The following DIAPH3 variants were observed in gnomAD, a reference collection of about 807,000 sequenced individuals.
The protein encoded by DIAPH3 is protein diaphanous homolog 3.
DIAPH3 carries 117 observed loss-of-function variants against 144.3 expected under a neutral mutation model. The ratio of observed to expected loss-of-function variants is 0.81; its 90% CI spans 0.70 to 0.95. The LOEUF (loss-of-function observed/expected upper bound fraction) is 0.95. Among genes scored for constraint, DIAPH3 ranks in the 40% least tolerant of loss-of-function variants. The pLI is 0.00. For synonymous variants in DIAPH3, 519 were observed against 488.9 expected (o/e 1.06, Z -0.81); for missense variants, 1,421 against 1,412.7 (o/e 1.01, Z -0.09).
At chr13:59,918,781 C>A (rs1320937358) in intron 18 of DIAPH3, among the ~76,000 whole-genome samples, 1 of 151,864 alleles carries the variant, frequency 6.6e-6, no homozygotes. Context: ...ATGCAGACAG[C>A]AACACTTGAC....
rs532920839 is a variant in DIAPH3 at position 60,035,912 on chromosome 13, G to T, written c.626+6778C>A. 3.3e-5 allele frequency among the ~76,000 whole-genome samples: 5 copies of T among 152,244 alleles called. No individual in the cohort carries two copies. In the South Asian group the frequency reaches 8.3e-4, roughly 25 times the overall value. ...CCAGAGATGTTTCTACAACTTCTAT[G>T]ATGTACTATATTGCTGATTCCCTCA... is the stretch of plus-strand genomic sequence containing the variant. On this transcript the variant is annotated intron_variant, in intron 5 of 27. Transcript: ENST00000400324.
chr13:59,928,060 A>T (rs1412679729), intron 17 of DIAPH3, among the ~76,000 whole-genome samples: 1 of 152,134 alleles, frequency 6.6e-6, no homozygotes, highest in East Asian at 1.9e-4. Flanking sequence ...TGTCACGCAG[A>T]CTTTTTAAAT....
intron 12 of DIAPH3, among the ~76,000 whole-genome samples, chr13:59,987,006 C>T (rs904322890): frequency 2.6e-5 from 4 of 151,942 alleles, no homozygotes; most frequent in African/African-American, 9.7e-5. Flanking sequence ...AATCATGCTG[C>T]TATAAAGACA....
intron 17 of DIAPH3, among the ~76,000 whole-genome samples, chr13:59,943,919 A>C (rs1310888195): frequency 6.6e-6 from 1 of 152,130 alleles, no homozygotes; most frequent in Non-Finnish European, 1.5e-5. Flanking sequence ...ACCAAGGGAA[A>C]AGATGATGGA....
chr13:59,843,686 G>A lies in DIAPH3; in HGVS notation c.2738-4238C>T, dbSNP rs149473138. ...TTCTTGTGCTTCACCAGAAGTCTCT[G>A]ATTATTTGCACATTATTTGCACATT... On this transcript the variant is annotated intron_variant, in intron 22 of 27. Coordinates refer to ENST00000400324, the MANE Select transcript of DIAPH3 (RefSeq NM_001042517.2). Among the ~76,000 whole-genome samples, 190 of 152,290 alleles carry A rather than the reference G, an allele frequency of 1.2e-3. 1 individual carries two copies. The highest frequency in any genetic ancestry group is 4.4e-3 in the African/African-American group (181 of 41,558).
At chr13:59,821,626 A>G (rs1195514682) in intron 24 of DIAPH3, among the ~76,000 whole-genome samples, 1 of 152,188 alleles carries the variant, frequency 6.6e-6, no homozygotes, top group African/African-American at 2.4e-5. Context: ...CAAGTGCCAA[A>G]AACAAACTTA....
chr13:59,997,218 C>T lies in DIAPH3; in HGVS notation c.1015-4635G>A, dbSNP rs75279772. Among the ~76,000 whole-genome samples the T allele has an allele frequency of 7.8e-3, 1,185 of 152,156 alleles. 21 individuals are homozygous for T. Among genetic ancestry groups the T allele is most frequent in the African/African-American group, 0.027 (1,113 of 41,540 alleles). On this transcript the variant is annotated intron_variant, in intron 9 of 27. Coordinates refer to ENST00000400324, the MANE Select transcript of DIAPH3 (RefSeq NM_001042517.2). ...ATCCTTCCTCCTCTGCCCCCACTCA[C>T]TCTTCCCAGACTGTTATCTTTCCAC...
intron 23 of DIAPH3, among the ~76,000 whole-genome samples, chr13:59,833,531 ATCTT>A (rs1274155622): frequency 2.0e-5 from 3 of 151,856 alleles, no homozygotes; most frequent in African/African-American, 7.2e-5. Context: ...AGTTTAAAAA[ATCTT>A]TCTTCCAACT....
Position 59,922,340 on chromosome 13 carries a change from G to A in DIAPH3, c.2170+2435C>T, listed in dbSNP as rs188214704. On this transcript the variant is annotated intron_variant, in intron 18 of 27. Transcript: ENST00000400324. ...TCCTAAGCCTTCTCTTGATCCTAGT[G>A]TCTGGAAACCTTTATGAACTCAAAA... Among the ~76,000 whole-genome samples the A allele has an allele frequency of 2.2e-3, 335 of 152,166 alleles. 2 individuals are homozygous for A. Among genetic ancestry groups the A allele is most frequent in the African/African-American group, 7.7e-3 (319 of 41,570 alleles).
At chr13:60,085,577 T>C (rs1415679122) in intron 4 of DIAPH3, among the ~76,000 whole-genome samples, 2 of 152,118 alleles carry the variant, frequency 1.3e-5, no homozygotes, top group Admixed American at 1.3e-4. Flanking sequence ...TACTTAAAGT[T>C]CCCAGATCAT....
At chr13:59,974,216 ACAC>A in intron 15 of DIAPH3, 133 bp downstream of exon 15, 1 of 717,106 alleles carries the variant, frequency 1.4e-6, no homozygotes, top group Non-Finnish European at 2.4e-6. Flanking sequence ...AAATAGCAAA[ACAC>A]AGTACAAATA....
intron 4 of DIAPH3, 58 bp downstream of exon 4, chr13:60,093,570 C>T (rs112131851): frequency 2.6e-6 from 3 of 1,169,632 alleles, no homozygotes; most frequent in African/African-American, 3.0e-5. Context: ...GATAAATGTG[C>T]TGTTTTCCAT....
At chr13:59,952,451 G>C (rs970895219) in intron 17 of DIAPH3, among the ~76,000 whole-genome samples, 2 of 152,168 alleles carry the variant, frequency 1.3e-5, no homozygotes, top group Non-Finnish European at 2.9e-5. Context: ...AAATGTGTTA[G>C]AGTATGTTTG....
At chr13:59,883,803 G>A (rs1301124844) in intron 20 of DIAPH3, among the ~76,000 whole-genome samples, 1 of 152,022 alleles carries the variant, frequency 6.6e-6, no homozygotes, top group African/African-American at 2.4e-5. Context: ...TAGTAGGTAA[G>A]AATGAACTTT....
At chr13:60,033,395 T>G (rs1328083652) in intron 5 of DIAPH3, among the ~76,000 whole-genome samples, 4 of 152,196 alleles carry the variant, frequency 2.6e-5, no homozygotes, top group Non-Finnish European at 1.5e-5. Flanking sequence ...AATCTGCATC[T>G]GGGTAATTTC....
At chr13:60,062,421 G>A (rs1390641770) in intron 4 of DIAPH3, among the ~76,000 whole-genome samples, 1 of 152,142 alleles carries the variant, frequency 6.6e-6, no homozygotes, top group Non-Finnish European at 1.5e-5. Context: ...AATTTACTGG[G>A]TAATTCTTTC....
intron 27 of DIAPH3, among the ~76,000 whole-genome samples, chr13:59,742,174 T>C (rs530846142): frequency 6.6e-6 from 1 of 152,140 alleles, no homozygotes; most frequent in South Asian, 2.1e-4. Context: ...ACCCCCATGA[T>C]TTAATTATCT....
intron 1 of DIAPH3, among the ~76,000 whole-genome samples, chr13:60,136,496 A>T (rs2059280610): frequency 6.7e-6 from 1 of 149,348 alleles, no homozygotes; most frequent in Admixed American, 6.6e-5. Context: ...AAAAAAAGTT[A>T]GAAGCATACA....
intron 27 of DIAPH3, among the ~76,000 whole-genome samples, chr13:59,692,865 T>C (rs1281055669): frequency 6.6e-6 from 1 of 152,216 alleles, no homozygotes; most frequent in Admixed American, 6.5e-5. Flanking sequence ...ATACTGATTA[T>C]AATAAAATCT....
Sources: allele counts gnomAD v4.1 joint callset (sites outside exome capture counted in the v4.1 genomes callset), GRCh38; gene constraint gnomAD v4.1.1; transcripts MANE v1.5; gene names NCBI Gene and HGNC (gene_info 2026-07-23, HGNC 2026-07-21).